EPHA6: variants seen among roughly 807,000 people sequenced by gnomAD.
EPHA6 encodes EPH receptor A6.
A neutral mutation model predicts 112.0 loss-of-function variants in EPHA6; 50 were observed. That is an observed-to-expected ratio of 0.45 (90% CI 0.36 to 0.56). The LOEUF (loss-of-function observed/expected upper bound fraction) is 0.56. Ranked by LOEUF, EPHA6 falls within the 20% of genes least tolerant of loss-of-function variation. The probability of loss-of-function intolerance (pLI) is 0.00; values close to 1 mark genes in which losing one functional copy is unlikely to be tolerated. For synonymous variants in EPHA6, 529 were observed against 490.7 expected (o/e 1.08, Z -1.03); for missense variants, 1,280 against 1,417.4 (o/e 0.90, Z 1.56).
intron 2 of EPHA6, among the ~76,000 whole-genome samples, chr3:96,951,527 A>G (rs1056845945): frequency 2.6e-5 from 4 of 152,142 alleles, no homozygotes; most frequent in African/African-American, 9.6e-5. Flanking sequence ...AATCATCATC[A>G]TCATCATAAT....
intron 3 of EPHA6, among the ~76,000 whole-genome samples, chr3:97,107,878 C>G (rs1215294124): frequency 6.6e-6 from 1 of 151,982 alleles, no homozygotes; most frequent in Non-Finnish European, 1.5e-5. Flanking sequence ...GTTATTTCAG[C>G]CTAAGGATCT....
intron 5 of EPHA6, among the ~76,000 whole-genome samples, chr3:97,314,948 G>A (rs940135547): frequency 4.0e-5 from 6 of 151,394 alleles, no homozygotes; most frequent in African/African-American, 1.2e-4. Context: ...AACAAAATAC[G>A]TCATAGATAC....
intron 6 of EPHA6, among the ~76,000 whole-genome samples, chr3:97,448,269 T>C (rs561569878): frequency 3.9e-5 from 6 of 152,134 alleles, no homozygotes; most frequent in Non-Finnish European, 8.8e-5. Flanking sequence ...TGTGTAAACA[T>C]ATTCTCACAC....
intron 16 of EPHA6, among the ~76,000 whole-genome samples, chr3:97,737,807 GAA>G (rs2035336019): frequency 6.6e-6 from 1 of 151,956 alleles, no homozygotes; most frequent in Non-Finnish European, 1.5e-5. Context: ...AGAGTATAAA[GAA>G]TGCATATAAA....
At chr3:96,910,463 T>C (rs983945777) in intron 2 of EPHA6, among the ~76,000 whole-genome samples, 3 of 152,102 alleles carry the variant, frequency 2.0e-5, no homozygotes, top group Non-Finnish European at 4.4e-5. Context: ...GCAATAGCTT[T>C]ATTTATCTCT....
intron 3 of EPHA6, among the ~76,000 whole-genome samples, chr3:97,038,812 A>C (rs942641156): frequency 6.6e-6 from 1 of 151,964 alleles, no homozygotes; most frequent in African/African-American, 2.4e-5. Context: ...GAAATGTTCC[A>C]CCTGCTAGGT....
chr3:97,106,944 G>A (rs1686676974), intron 3 of EPHA6, among the ~76,000 whole-genome samples: 1 of 152,038 alleles, frequency 6.6e-6, no homozygotes, highest in Admixed American at 6.6e-5. Context: ...AGGTGTCTGG[G>A]ATCAGAGTGT....
chr3:97,380,916 A>G (rs2085690700), intron 5 of EPHA6, among the ~76,000 whole-genome samples: 1 of 152,128 alleles, frequency 6.6e-6, no homozygotes, highest in Admixed American at 6.6e-5. Flanking sequence ...GTTTTATTGT[A>G]GCATAGTTTT....
intron 3 of EPHA6, among the ~76,000 whole-genome samples, chr3:97,188,471 GAGA>G (rs1388069718): frequency 2.0e-5 from 3 of 151,950 alleles, no homozygotes; most frequent in South Asian, 2.1e-4. Flanking sequence ...TCAAACTAGG[GAGA>G]AGAAGTAGCA....
chr3:96,964,910 AG>A (rs1357130163), intron 2 of EPHA6, among the ~76,000 whole-genome samples: 1 of 152,202 alleles, frequency 6.6e-6, no homozygotes, highest in African/African-American at 2.4e-5. Flanking sequence ...AATTTAAAGC[AG>A]TTTAATTGAG....
rs117795957 is a variant in EPHA6 at position 96,951,134 on chromosome 3, C to T, written c.451-36196C>T. Among the ~76,000 whole-genome samples the T allele has an allele frequency of 8.0e-4, 122 of 152,144 alleles. 1 individual carries two copies. The East Asian group carries it at 0.02, about 25-fold the overall frequency. ...AAGAAAAGAATAATTGAGAAACTGTCTAGTAGAAAGTAGGTTTTCTCCAGC... is the reference window on the plus strand; with the variant it reads ...AAGAAAAGAATAATTGAGAAACTGTTTAGTAGAAAGTAGGTTTTCTCCAGC... On this transcript the variant is annotated intron_variant, in intron 2 of 17. Coordinates refer to ENST00000389672, the MANE Select transcript of EPHA6 (RefSeq NM_001080448.3).
chr3:96,941,368 C>G (rs546655395), intron 2 of EPHA6, among the ~76,000 whole-genome samples: 4 of 152,152 alleles, frequency 2.6e-5, no homozygotes, highest in Admixed American at 6.6e-5. Flanking sequence ...ATCACTGATA[C>G]CCTTTCTTCC....
intron 3 of EPHA6, among the ~76,000 whole-genome samples, chr3:97,088,252 G>A (rs2046963381): frequency 6.6e-6 from 1 of 152,102 alleles, no homozygotes; most frequent in Non-Finnish European, 1.5e-5. Context: ...TAAAGATACA[G>A]TATTAGTAAG....
At chr3:97,005,529 A>G (rs2446779) in intron 3 of EPHA6, among the ~76,000 whole-genome samples, 49,457 of 151,928 alleles carry the variant, frequency 0.33, 8,683 homozygotes, top group African/African-American at 0.46. Context: ...GAAATGATGG[A>G]GTTTTCTAAA....
intron 1 of EPHA6, among the ~76,000 whole-genome samples, chr3:96,842,331 A>T (rs1251480439): frequency 6.6e-6 from 1 of 152,118 alleles, no homozygotes; most frequent in Non-Finnish European, 1.5e-5. Context: ...TAAAACAAGG[A>T]TAACTGTTAA....
chr3:97,226,434 T>G lies in EPHA6; in HGVS notation c.1270+15T>G. 1 of 1,580,738 alleles carries G rather than the reference T, an allele frequency of 6.3e-7. No individual in the cohort carries two copies. The highest frequency in any genetic ancestry group is 8.6e-7 in the Non-Finnish European group (1 of 1,166,938). ...GGCATGTACCAGTAAGTCTATACAT[T>G]TTGGATTTGGAAATTCTGTTTCCAA... On this transcript the variant is annotated intron_variant, in intron 4 of 17. Transcript: ENST00000389672.
chr3:97,732,096 C>G (rs1210331194), intron 15 of EPHA6, among the ~76,000 whole-genome samples: 1 of 151,862 alleles, frequency 6.6e-6, no homozygotes, highest in East Asian at 1.9e-4. Context: ...TTTCTAAAAT[C>G]CTTTTCCCCT....
chr3:96,843,084 G>C (rs921956821), intron 1 of EPHA6, among the ~76,000 whole-genome samples: 3 of 152,014 alleles, frequency 2.0e-5, no homozygotes, highest in African/African-American at 7.2e-5. Flanking sequence ...CTATGTGTAG[G>C]ATTTCCTTTC....
intron 3 of EPHA6, among the ~76,000 whole-genome samples, chr3:97,204,385 T>C (rs1176744253): frequency 6.6e-6 from 1 of 152,090 alleles, no homozygotes. Flanking sequence ...CACTTTAGAA[T>C]TATTAATTAA....
Sources: allele counts gnomAD v4.1 joint callset (sites outside exome capture counted in the v4.1 genomes callset), GRCh38; gene constraint gnomAD v4.1.1; transcripts MANE v1.5; gene names NCBI Gene and HGNC (gene_info 2026-07-23, HGNC 2026-07-21).